Variants in NRXN1 observed in about 807,000 individuals in gnomAD.
The protein encoded by NRXN1 is neurexin 1, also known as neurexin-1.
In NRXN1, 39 loss-of-function variants were observed where a neutral mutation model predicts 150.9. That is an observed-to-expected ratio of 0.26 (90% CI 0.20 to 0.34). The LOEUF is 0.34. NRXN1 is among the 10% of genes least tolerant of loss of function. The pLI, the probability that NRXN1 is intolerant of heterozygous loss-of-function variation, is 1.00. For missense variants in NRXN1, 1,815 were observed against 1,949.9 expected, an observed-to-expected ratio of 0.93 and a Z score of 1.30; for synonymous variants, 924 against 757.0, an observed-to-expected ratio of 1.22 and a Z score of -3.62.
chr2:49,948,888 G>T (rs1021421618), intron 21 of NRXN1, among the ~76,000 whole-genome samples: 3 of 151,906 alleles, frequency 2.0e-5, no homozygotes, highest in East Asian at 1.9e-4. Flanking sequence ...AGTCCATTTA[G>T]ATGAGTGTCT....
chr2:50,086,821 T>TGA lies in NRXN1; in HGVS notation c.3718+4500_3718+4501dup, dbSNP rs3046671. On this transcript the variant is annotated intron_variant, in intron 19 of 22. Coordinates refer to ENST00000401669, the MANE Select transcript of NRXN1 (RefSeq NM_001330078.2). ...AGAGAGGGGGAGAGGCAGAGAAGAA[T>TGA]GAGAGAGAGAGAGAGAGAGAGAGAG... 6.3e-3 allele frequency among the ~76,000 whole-genome samples: 902 copies of TGA among 142,768 alleles called. 3 individuals carry two copies. The highest frequency in any genetic ancestry group is 0.022 in the East Asian group (104 of 4,740). 93.7% of individuals were successfully genotyped at this position (142,768 alleles called of 152,430 possible).
intron 17 of NRXN1, among the ~76,000 whole-genome samples, chr2:50,373,294 T>TTTA (rs6146761): frequency 0.041 from 5,701 of 140,272 alleles, 190 homozygotes; most frequent in Middle Eastern, 0.11. Flanking sequence ...TATTTTATTT[T>TTTA]TTATTATTAT....
chr2:50,678,571 A>G lies in NRXN1; in HGVS notation c.833-54956T>C, dbSNP rs901513324. Among the ~76,000 whole-genome samples the G allele has an allele frequency of 2.0e-5, 3 of 152,126 alleles. No homozygotes were observed. The East Asian group carries it at 5.8e-4, about 29-fold the overall frequency. The stretch of plus-strand genomic sequence containing the variant: ...CCAGCATTGGAAAAACCTCATTTTC[A>G]ATTTCTCGGCACCGTTGACATTTGG... On this transcript the variant is annotated intron_variant, in intron 5 of 22. Transcript: ENST00000401669.
intron 15 of NRXN1, among the ~76,000 whole-genome samples, chr2:50,495,381 GTGTGTGTGTGT>G (rs1558829190): frequency 1.1e-4 from 1 of 8,956 alleles, no homozygotes; most frequent in African/African-American, 1.8e-4. Flanking sequence ...TGTGTGTGTG[GTGTGTGTGTGT>G]GTGTGTGTGT....
At chr2:50,723,859 G>C (rs995676075) in intron 5 of NRXN1, among the ~76,000 whole-genome samples, 4 of 152,182 alleles carry the variant, frequency 2.6e-5, no homozygotes, top group African/African-American at 9.6e-5. Context: ...GTGTGCGTGT[G>C]TGTGTTTCCT....
intron 5 of NRXN1, among the ~76,000 whole-genome samples, chr2:50,639,899 T>C (rs186125588): frequency 6.6e-6 from 1 of 152,288 alleles, no homozygotes; most frequent in Admixed American, 6.5e-5. Flanking sequence ...CGAATATTCC[T>C]ACTTAAAAAC....
intron 17 of NRXN1, among the ~76,000 whole-genome samples, chr2:50,428,916 G>C (rs1373787136): frequency 6.6e-6 from 1 of 152,152 alleles, no homozygotes; most frequent in East Asian, 1.9e-4. Context: ...ATTTAGGTCT[G>C]TGAACACAGT....
At chr2:50,754,290 AC>A (rs374990047) in intron 5 of NRXN1, among the ~76,000 whole-genome samples, 191 of 152,008 alleles carry the variant, frequency 1.3e-3, no homozygotes, top group African/African-American at 4.6e-3. Flanking sequence ...ATACATATAC[AC>A]ACATCCTCTT....
At chr2:50,689,856 G>C (rs1282344985) in intron 5 of NRXN1, among the ~76,000 whole-genome samples, 8 of 37,008 alleles carry the variant, frequency 2.2e-4, no homozygotes, top group African/African-American at 1.6e-3. Context: ...TTGCTTATTT[G>C]TGTGTGTGTG....
chr2:50,931,988 C>A (rs56028096), intron 2 of NRXN1, among the ~76,000 whole-genome samples: 39,596 of 151,646 alleles, frequency 0.26, 5,737 homozygotes, highest in Non-Finnish European at 0.33. Context: ...CAGCCTCCCA[C>A]GTAGCTGGGA....
At chr2:50,260,591 C>T (rs1480009342) in intron 17 of NRXN1, among the ~76,000 whole-genome samples, 1 of 146,816 alleles carries the variant, frequency 6.8e-6, no homozygotes, top group Non-Finnish European at 1.5e-5. Flanking sequence ...GCAAAGCAAA[C>T]ACCGATGACA....
intron 9 of NRXN1, among the ~76,000 whole-genome samples, chr2:50,544,103 T>C (rs764550982): frequency 1.3e-4 from 20 of 152,114 alleles, no homozygotes; most frequent in Non-Finnish European, 2.5e-4. Flanking sequence ...TTAATGTCAA[T>C]TTTATCTATA....
intron 13 of NRXN1, among the ~76,000 whole-genome samples, chr2:50,502,490 A>G (rs1248309167): frequency 6.6e-6 from 1 of 152,036 alleles, no homozygotes; most frequent in African/African-American, 2.4e-5. Context: ...ACAAACACAC[A>G]CACACACGAG....
intron 22 of NRXN1, among the ~76,000 whole-genome samples, chr2:49,931,559 C>T (rs937976158): frequency 5.3e-5 from 8 of 151,858 alleles, no homozygotes; most frequent in Non-Finnish European, 8.8e-5. Flanking sequence ...TTCTAGGGTG[C>T]TTTTCAGTCC....
chr2:50,850,880 A>T (rs979272534), intron 5 of NRXN1, among the ~76,000 whole-genome samples: 3 of 152,176 alleles, frequency 2.0e-5, no homozygotes, highest in Admixed American at 1.3e-4. Context: ...TACATCTTCT[A>T]AAATAAGGCC....
intron 17 of NRXN1, among the ~76,000 whole-genome samples, chr2:50,271,527 T>C (rs1225681412): frequency 2.6e-5 from 4 of 152,164 alleles, no homozygotes; most frequent in African/African-American, 4.8e-5. Flanking sequence ...TGGTGCTTTC[T>C]GTCTAAACCA....
intron 5 of NRXN1, among the ~76,000 whole-genome samples, chr2:50,761,603 A>T (rs1326198883): frequency 2.0e-5 from 3 of 151,862 alleles, no homozygotes; most frequent in Admixed American, 6.6e-5. Flanking sequence ...AGACTAATCA[A>T]TTTTTTGTGA....
intron 17 of NRXN1, among the ~76,000 whole-genome samples, chr2:50,360,102 A>G (rs2079083714): frequency 6.6e-6 from 1 of 152,224 alleles, no homozygotes; most frequent in African/African-American, 2.4e-5. Flanking sequence ...GAGCTCCTGA[A>G]GGAAGCACTA....
chr2:50,122,620 G>T (rs913903923), intron 18 of NRXN1, among the ~76,000 whole-genome samples: 2 of 152,224 alleles, frequency 1.3e-5, no homozygotes, highest in African/African-American at 4.8e-5. Context: ...CTAGCAGCAG[G>T]CTGCTTGTCT....
Sources: allele counts gnomAD v4.1 joint callset (sites outside exome capture counted in the v4.1 genomes callset), GRCh38; gene constraint gnomAD v4.1.1; transcripts MANE v1.5; gene names NCBI Gene and HGNC (gene_info 2026-07-23, HGNC 2026-07-21).